SPECC1: variants seen among roughly 807,000 people sequenced by gnomAD.
The protein encoded by SPECC1 is cytospin-B.
SPECC1 carries 62 observed loss-of-function variants against 104.1 expected under a neutral mutation model. The ratio of observed to expected loss-of-function variants is 0.60; its 90% CI spans 0.49 to 0.74. The LOEUF (loss-of-function observed/expected upper bound fraction) is 0.74, where lower values mean the gene tolerates loss of function less well. SPECC1 is among the 30% of genes least tolerant of loss of function. SPECC1 has a pLI of 0.00. For synonymous variants in SPECC1, 513 were observed against 501.6 expected (o/e 1.02, Z -0.30); for missense variants, 1,306 against 1,310.5 (o/e 1.00, Z 0.05).
intron 12 of SPECC1, among the ~76,000 whole-genome samples, chr17:20,262,912 A>AG (rs1378984258): frequency 1.3e-5 from 2 of 152,164 alleles, no homozygotes; most frequent in Non-Finnish European, 2.9e-5. Flanking sequence ...TGAGAGGCCG[A>AG]GGGGGCAGGA....
At chr17:20,123,243 CG>C (rs1326214182) in intron 3 of SPECC1, among the ~76,000 whole-genome samples, 2 of 152,128 alleles carry the variant, frequency 1.3e-5, no homozygotes, top group South Asian at 2.1e-4. Context: ...ATATAGCACA[CG>C]TGGGATCCAA....
intron 14 of SPECC1, among the ~76,000 whole-genome samples, chr17:20,306,885 A>T (rs1330188094): frequency 2.0e-5 from 3 of 152,232 alleles, no homozygotes; most frequent in Non-Finnish European, 4.4e-5. Flanking sequence ...AGATATAGCA[A>T]ACAAAAGGAT....
chr17:20,261,433 C>T (rs1444567024), intron 12 of SPECC1, among the ~76,000 whole-genome samples: 5 of 146,070 alleles, frequency 3.4e-5, no homozygotes, highest in Non-Finnish European at 5.9e-5. Context: ...ACCCGGGAGG[C>T]GAAGCTTGCA....
At chr17:20,266,080 T>C (rs1226644298) in intron 12 of SPECC1, among the ~76,000 whole-genome samples, 2 of 152,218 alleles carry the variant, frequency 1.3e-5, no homozygotes, top group Non-Finnish European at 2.9e-5. Flanking sequence ...TCCATATGAA[T>C]TTTAGAATAG....
intron 4 of SPECC1, among the ~76,000 whole-genome samples, chr17:20,223,201 G>C (rs2151438914): frequency 6.6e-6 from 1 of 151,584 alleles, no homozygotes; most frequent in South Asian, 2.1e-4. Context: ...CTGTTTTGTA[G>C]ATCTTGTATG....
At chr17:20,122,576 A>G (rs1026149124) in intron 3 of SPECC1, among the ~76,000 whole-genome samples, 2 of 152,102 alleles carry the variant, frequency 1.3e-5, no homozygotes, top group African/African-American at 4.8e-5. Context: ...ACCACCTTCC[A>G]TTTCCAGAAC....
intron 3 of SPECC1, among the ~76,000 whole-genome samples, chr17:20,166,447 T>C (rs1344165681): frequency 6.6e-6 from 1 of 152,180 alleles, no homozygotes; most frequent in East Asian, 1.9e-4. Context: ...AAGTTGACAT[T>C]TTAAAAACTT....
chr17:20,254,607 T>G (rs913426248), intron 10 of SPECC1, among the ~76,000 whole-genome samples: 1 of 152,148 alleles, frequency 6.6e-6, no homozygotes, highest in Admixed American at 6.6e-5. Context: ...AAGTTAAGGT[T>G]GTCCAGAATA....
chr17:20,293,822 A>C (rs186629349), intron 12 of SPECC1, among the ~76,000 whole-genome samples: 1 of 152,240 alleles, frequency 6.6e-6, no homozygotes, highest in Admixed American at 6.5e-5. Flanking sequence ...TTTGGGACAA[A>C]CTTTGTGGAT....
At chr17:20,067,598 C>T (rs778868338) in intron 1 of SPECC1, among the ~76,000 whole-genome samples, 5 of 152,016 alleles carry the variant, frequency 3.3e-5, no homozygotes, top group Non-Finnish European at 5.9e-5. Flanking sequence ...GTATCACTTT[C>T]TCTATTGAGA....
chr17:20,283,700 CCTCAGCCTCCCAA>C (rs1230179449), intron 12 of SPECC1, among the ~76,000 whole-genome samples: 10 of 152,148 alleles, frequency 6.6e-5, no homozygotes, highest in African/African-American at 2.4e-4. Flanking sequence ...AGTCCTCCCA[CCTCAGCCTCCCAA>C]GTAGCTGGGA....
chr17:20,111,803 AC>A, intron 3 of SPECC1: 1 of 761,598 alleles, frequency 1.3e-6, no homozygotes, highest in Non-Finnish European at 2.3e-6. Flanking sequence ...CTCACTCAGG[AC>A]CCAGGGGGGG....
intron 3 of SPECC1, among the ~76,000 whole-genome samples, chr17:20,188,150 G>A (rs529120839): frequency 3.3e-5 from 5 of 152,302 alleles, no homozygotes; most frequent in African/African-American, 9.6e-5. Context: ...ACAGAAGTTG[G>A]ATGCTATTGA....
chr17:20,154,767 C>T (rs2032310649), intron 3 of SPECC1, among the ~76,000 whole-genome samples: 1 of 152,116 alleles, frequency 6.6e-6, no homozygotes, highest in African/African-American at 2.4e-5. Context: ...TGCAGTAATC[C>T]TGGCAGGAGA....
chr17:20,067,457 A>G (rs766577216), intron 1 of SPECC1: 39 of 152,114 alleles, frequency 2.6e-4, no homozygotes, highest in Admixed American at 7.2e-4. Context: ...CATTCTTAAT[A>G]TATAGATTTT....
intron 1 of SPECC1, among the ~76,000 whole-genome samples, chr17:20,037,611 G>A (rs935025916): frequency 1.3e-5 from 2 of 152,002 alleles, no homozygotes; most frequent in Non-Finnish European, 2.9e-5. Context: ...TGAACTGGGA[G>A]ATGTTCCCTT....
chr17:20,027,491 T>G (rs1438713194), intron 1 of SPECC1, among the ~76,000 whole-genome samples: 1 of 152,198 alleles, frequency 6.6e-6, no homozygotes, highest in Admixed American at 6.5e-5. Flanking sequence ...AGCCATAAGA[T>G]CTTTGCCTGG....
chr17:20,097,710 A>G (rs2047720584), intron 2 of SPECC1, among the ~76,000 whole-genome samples: 1 of 152,186 alleles, frequency 6.6e-6, no homozygotes, highest in Admixed American at 6.5e-5. Context: ...CTTGGTGAAG[A>G]CACTCTTAGA....
At chr17:20,130,252 C>T (rs1312387402) in intron 3 of SPECC1, among the ~76,000 whole-genome samples, 4 of 152,158 alleles carry the variant, frequency 2.6e-5, no homozygotes, top group African/African-American at 9.7e-5. Context: ...AATCGCTTTT[C>T]TACTTTTGTG....
Sources: allele counts gnomAD v4.1 joint callset (sites outside exome capture counted in the v4.1 genomes callset), GRCh38; gene constraint gnomAD v4.1.1; transcripts MANE v1.5; gene names NCBI Gene and HGNC (gene_info 2026-07-23, HGNC 2026-07-21).